Variants in PHF23 observed in about 807,000 individuals in gnomAD.
PHF23 encodes PHD finger protein 23.
PHF23 carries 3 observed loss-of-function variants against 36.0 expected under a neutral mutation model. That is an observed-to-expected ratio of 0.08 (90% confidence interval 0.04 to 0.22). PHF23 has a LOEUF of 0.22. PHF23 is among the 10% of genes least tolerant of loss of function. The pLI, the probability that PHF23 is intolerant of heterozygous loss-of-function variation, is 1.00. For synonymous variants in PHF23, 242 were observed against 192.5 expected, an observed-to-expected ratio of 1.26 and a Z score of -2.13; for missense variants, 475 against 513.6, an observed-to-expected ratio of 0.92 and a Z score of 0.73.
At chr17:7,238,043 G>T in intron 1 of PHF23, 1 of 192,198 alleles carries the variant, frequency 5.2e-6, no homozygotes, top group Non-Finnish European at 9.5e-6. Flanking sequence ...CCGGAGCCCC[G>T]AGTTCCTACC....
chr17:7,237,511 CCA>C, intron 2 of PHF23, 34 bp from the exon 3 acceptor site: 3 of 1,609,008 alleles, frequency 1.9e-6, no homozygotes, highest in African/African-American at 2.7e-5. Flanking sequence ...ACATGCAAAG[CCA>C]CACAGTTTAA....
upstream of PHF23, chr17:7,240,797 G>C (rs1249974564): frequency 2.6e-6 from 3 of 1,175,332 alleles, no homozygotes; most frequent in African/African-American, 1.5e-5. Context: ...GTCAAGAAAG[G>C]GGGGCCACCT....
intron 4 of PHF23, 41 bp from the exon 5 acceptor site, chr17:7,235,881 T>C: frequency 1.2e-6 from 2 of 1,613,604 alleles, no homozygotes; most frequent in Non-Finnish European, 1.7e-6. Context: ...GCCTGAGCTG[T>C]TGGATCCACA....
At chr17:7,239,204 G>A in intron 1 of PHF23, 42 bp downstream of exon 1, 2 of 1,365,912 alleles carry the variant, frequency 1.5e-6, no homozygotes, top group Non-Finnish European at 2.0e-6. Context: ...TTCCTCGCCC[G>A]CCCCCCGCCG....
upstream of PHF23, chr17:7,240,494 C>A (rs568489776): frequency 6.5e-5 from 12 of 184,156 alleles, no homozygotes; most frequent in Admixed American, 2.4e-4. Flanking sequence ...CCAACTACCC[C>A]CAAAAAAGAA....
chr17:7,236,813 C>A lies in PHF23; in HGVS notation c.160-46G>T. ...AGGGTCAGCAGAACCCCAGTGTCAT[C>A]TCAGCCCCTCCACAAACCCAGCTTG... On this transcript the variant is annotated intron_variant, in intron 3 of 4. Coordinates refer to ENST00000320316, the MANE Select transcript of PHF23 (RefSeq NM_024297.3). The surrounding 1 kb of genome is among the most constrained non-coding windows in gnomAD (Gnocchi z 5.1). 6.4e-7 allele frequency: 1 copy of A among 1,551,776 alleles called. No homozygotes were observed. The highest frequency in any genetic ancestry group is 8.7e-7 in the Non-Finnish European group (1 of 1,153,702).
rs564325710 is a variant in PHF23 at position 7,236,550 on chromosome 17, G to T, written c.377C>A (p.Thr126Asn). The change falls in exon 4 of 5, where the codon ACC (threonine) becomes AAC (asparagine). Residue 126 changes from threonine (T) to asparagine (N), a missense_variant. Thr to Asn is a moderately conservative substitution (Grantham distance 65). Coordinates refer to ENST00000320316, the MANE Select transcript of PHF23 (RefSeq NM_024297.3). The surrounding 1 kb of genome is among the most constrained non-coding windows in gnomAD (Gnocchi z 5.1). ...CTTGAGCTTCATCTTCTCAAGCAAG[G>T]TAGCACTGTCGGGGGCCTGCAGACG... ...FSRLQAPDSA[T>N]LLEKMKLKDS... The T allele has an allele frequency of 7.4e-6, 12 of 1,614,176 alleles. No individual in the cohort carries two copies. In the South Asian group the frequency reaches 1.2e-4, roughly 16 times the overall value.
At position 7,236,710 on chromosome 17, in the gene PHF23, C is replaced by T. The variant is rs771549742; in HGVS notation, c.217G>A (p.Asp73Asn). Residue 73 changes from aspartate (D) to asparagine (N), a missense_variant, in exon 4 of 5, where the codon GAC becomes AAC. Coordinates refer to ENST00000320316, the MANE Select transcript of PHF23 (RefSeq NM_024297.3). The surrounding 1 kb of genome is among the most constrained non-coding windows in gnomAD (Gnocchi z 5.1). ...GGGGCCGAGTCCCAGCCATCACTGT[C>T]GGCCGCACTCTCTCCTCGCAATGGA... ...SSPLRGESAA[D>N]SDGWDSAPSD... 4 of 1,613,904 alleles carry T rather than the reference C, an allele frequency of 2.5e-6. No individual in the cohort carries two copies. In the Admixed American group the frequency reaches 6.7e-5, roughly 27 times the overall value.
chr17:7,236,840 A>G lies in PHF23; in HGVS notation c.160-73T>C. On this transcript the variant is annotated intron_variant, in intron 3 of 4. Transcript: ENST00000320316. The surrounding 1 kb of genome is among the most constrained non-coding windows in gnomAD (Gnocchi z 5.1). The stretch of plus-strand genomic sequence containing the variant: ...CAGCCCCTCCACAAACCCAGCTTGA[A>G]AAGGAGTGACTGGATTTACCCCAAA... 3.3e-6 allele frequency: 5 copies of G among 1,521,242 alleles called. No individual in the cohort carries two copies. Among genetic ancestry groups the G allele is most frequent in the Non-Finnish European group, 8.7e-7 (1 of 1,143,036 alleles). The allele number at this position is 1,521,242 out of a possible 1,614,324, so 94.2% of individuals were successfully genotyped here.
At chr17:7,239,160 G>A (rs2071743184) in intron 1 of PHF23, 86 bp downstream of exon 1, 4 of 1,072,658 alleles carry the variant, frequency 3.7e-6, no homozygotes, top group South Asian at 2.8e-5. Context: ...CCCCCGCTGG[G>A]CTCCGGGGCT....
chr17:7,236,361 C>T lies in PHF23; in HGVS notation c.566G>A (p.Gly189Glu), dbSNP rs1567581266. ...RKKDRKNRKL[G>E]PGAGAGFGVL... ...CCCAAAGCCAGCCCCAGCTCCTGGC[C>T]CCAACTTTCGGTTCTTTCGGTCCTT... Residue 189 changes from glycine to glutamate, a missense_variant, in exon 4 of 5, where the codon GGG becomes GAG. Gly to Glu is a moderately conservative substitution (Grantham distance 98). This residue lies in a region of PHF23 where 350 missense variants were observed against 319.8 expected (regional missense o/e 1.09). Coordinates refer to ENST00000320316, the MANE Select transcript of PHF23 (RefSeq NM_024297.3). The surrounding 1 kb of genome is among the most constrained non-coding windows in gnomAD (Gnocchi z 5.1). 6.2e-7 allele frequency: 1 copy of T among 1,614,014 alleles called. No individual in the cohort carries two copies. The highest frequency in any genetic ancestry group is 1.7e-5 in the Admixed American group (1 of 60,000).
At position 7,238,718 on chromosome 17, in the gene PHF23, C is replaced by G. The variant is rs918129514; in HGVS notation, c.34+528G>C. The G allele has an allele frequency of 5.4e-6, 8 of 1,494,358 alleles. 1 individual carries two copies. The highest frequency in any genetic ancestry group is 1.7e-4 in the Middle Eastern group (1 of 5,890). The allele number at this position is 1,494,358 out of a possible 1,614,324, so 92.6% of individuals were successfully genotyped here. ...TGGCTCGCTCTCTCCACAACTACCC[C>G]CCGGTACAGGTCCGTCTGCCGTAGA... On this transcript the variant is annotated intron_variant, in intron 1 of 4. Transcript: ENST00000320316.
In PHF23 at chr17:7,236,340, A is replaced by G; in HGVS notation, c.587T>C (p.Phe196Ser). The G allele has an allele frequency of 6.2e-7, 1 of 1,614,094 alleles. No individual in the cohort carries two copies. Among genetic ancestry groups the G allele is most frequent in the Non-Finnish European group, 8.5e-7 (1 of 1,180,014 alleles). ...TGGCCGAGGCCTCCGAAGCACCCCA[A>G]AGCCAGCCCCAGCTCCTGGCCCCAA... The part of the protein sequence containing the change: ...RKLGPGAGAG[F>S]GVLRRPRPTP... The change falls in exon 4 of 5, where the codon TTT (phenylalanine) becomes TCT (serine). Residue 196 changes from phenylalanine to serine, a missense_variant. By Grantham distance (155) the Phe-to-Ser change is radical (BLOSUM62 -2). Transcript: ENST00000320316. The surrounding 1 kb of genome is among the most constrained non-coding windows in gnomAD (Gnocchi z 5.1).
At chr17:7,237,257 C>T in intron 3 of PHF23, 128 bp downstream of exon 3, 1 of 879,688 alleles carries the variant, frequency 1.1e-6, no homozygotes, top group Non-Finnish European at 1.8e-6. Context: ...TAAGAGTCTC[C>T]AACTTCCCTG....
chr17:7,236,308 C>G lies in PHF23; in HGVS notation c.619G>C (p.Gly207Arg). Reference protein sequence around the residue: ...GVLRRPRPTPGDGEKRSRIKK... With the variant: ...GVLRRPRPTPRDGEKRSRIKK... The stretch of plus-strand genomic sequence containing the variant: ...ATTCGAGATCTCTTTTCCCCATCCC[C>G]AGGAGTTGGCCGAGGCCTCCGAAGC... The change falls in exon 4 of 5, where the codon GGG becomes CGG. Residue 207 changes from glycine (G) to arginine (R), a missense_variant. By Grantham distance (125) the Gly-to-Arg change is moderately radical (BLOSUM62 -2). Around this residue, in one of 5 missense-constraint regions of PHF23, gnomAD observed 350 missense variants for 319.8 expected, o/e 1.09. Coordinates refer to ENST00000320316, the MANE Select transcript of PHF23 (RefSeq NM_024297.3). The surrounding 1 kb of genome is among the most constrained non-coding windows in gnomAD (Gnocchi z 5.1). 2 of 1,614,090 alleles carry G rather than the reference C, an allele frequency of 1.2e-6. No homozygotes were observed. Among genetic ancestry groups the G allele is most frequent in the Non-Finnish European group, 1.7e-6 (2 of 1,180,002 alleles).
intron 2 of PHF23, 71 bp from the exon 3 acceptor site, chr17:7,237,548 C>T: frequency 1.2e-6 from 2 of 1,606,888 alleles, no homozygotes; most frequent in African/African-American, 1.3e-5. Context: ...GAAACACAGT[C>T]CCTAAGTGAG....
At position 7,236,234 on chromosome 17, in the gene PHF23, T is replaced by C. The variant is rs750042993; in HGVS notation, c.693A>G (p.Arg231=). Residue 231 remains arginine (R), a synonymous_variant, in exon 4 of 5, where the codon AGA becomes AGG. Coordinates refer to ENST00000320316, the MANE Select transcript of PHF23 (RefSeq NM_024297.3). The surrounding 1 kb of genome is among the most constrained non-coding windows in gnomAD (Gnocchi z 5.1). ...CCTGGGGAGGCCCAGGAGGTGGGAG[T>C]CTATCCCCCCGTTCTGCCTTTTTTA... ...RKLKKAERGD[R]LPPPGPPQAP... The C allele has an allele frequency of 6.2e-7, 1 of 1,613,020 alleles. No individual in the cohort carries two copies. The highest frequency in any genetic ancestry group is 2.2e-5 in the East Asian group (1 of 44,856).
At position 7,237,651 on chromosome 17, in the gene PHF23, G is replaced by A. The variant is rs1456843422; in HGVS notation, c.44C>T (p.Pro15Leu). ...MAEPSPEDPPPTLKPETQPPE... is the reference protein window; with the variant it reads ...MAEPSPEDPPLTLKPETQPPE... ...CACCTGAGTCTCTGGCTTAAGGGTC[G>A]GAGGTGGATCTGGAAAAGCAATAAA... Residue 15 changes from proline to leucine, a missense_variant, in exon 2 of 5, where the codon CCG (proline) becomes CTG (leucine). Physicochemically the swap from Pro to Leu is moderately conservative, Grantham distance 98 (BLOSUM62 -3). Coordinates refer to ENST00000320316, the MANE Select transcript of PHF23 (RefSeq NM_024297.3). 4.3e-6 allele frequency: 7 copies of A among 1,613,750 alleles called. No individual in the cohort carries two copies. The East Asian group carries it at 1.3e-4, about 31-fold the overall frequency.
Position 7,235,524 on chromosome 17 carries a change from A to C in PHF23, c.*102T>G. 1 of 1,184,140 alleles carries C rather than the reference A, an allele frequency of 8.4e-7. No individual in the cohort carries two copies. Among genetic ancestry groups the C allele is most frequent in the Non-Finnish European group, 1.2e-6 (1 of 820,174 alleles). The allele number at this position is 1,184,140 out of a possible 1,614,324, so 73.4% of individuals were successfully genotyped here. A position where few individuals can be genotyped will look rare whatever the true frequency, so the allele number is the denominator to read the frequency against. ...TCTCCCTTGAGAATTCCTGCCTTGA[A>C]GTGCAGACAGTATCCAAGCTCCAGG... On this transcript the variant is annotated 3_prime_UTR_variant, in exon 5 of 5. Coordinates refer to ENST00000320316, the MANE Select transcript of PHF23 (RefSeq NM_024297.3).
Sources: allele counts gnomAD v4.1 joint callset, GRCh38; gene constraint gnomAD v4.1.1; regional missense constraint gnomAD v4.1.1; non-coding constraint Gnocchi (gnomAD v3.1); transcripts MANE v1.5; gene names NCBI Gene and HGNC (gene_info 2026-07-23, HGNC 2026-07-21).